Variants in FAM184A observed in about 807,000 individuals in gnomAD.
FAM184A encodes the protein family with sequence similarity 184 member A, also known as protein FAM184A.
A neutral mutation model predicts 143.8 loss-of-function variants in FAM184A; 99 were observed. The observed-to-expected ratio is 0.69, with a 90% CI of 0.58 to 0.81. The LOEUF (loss-of-function observed/expected upper bound fraction) is 0.81, where lower values mean the gene tolerates loss of function less well. Ranked by LOEUF, FAM184A falls within the 40% of genes least tolerant of loss-of-function variation. The pLI, the probability that FAM184A is intolerant of heterozygous loss-of-function variation, is 0.00. For missense variants in FAM184A, 1,217 were observed against 1,310.5 expected, an observed-to-expected ratio of 0.93 and a Z score of 1.10; for synonymous variants, 427 against 446.4, an observed-to-expected ratio of 0.96 and a Z score of 0.55.
At position 119,078,314 on chromosome 6, in the gene FAM184A, C is replaced by A; in HGVS notation, c.-15G>T. On this transcript the variant is annotated 5_prime_UTR_variant, in exon 1 of 18. Transcript: ENST00000338891. The surrounding 1 kb of genome is among the most constrained non-coding windows in gnomAD (Gnocchi z 5.5). ...GGGGTCGCCATCTTCCCAACAGACC[C>A]CAGCCGGGGCACCTGTCCCCGCGGG... is the stretch of plus-strand genomic sequence containing the variant. The A allele has an allele frequency of 7.0e-7, 1 of 1,435,434 alleles. No individual in the cohort carries two copies. The highest frequency in any genetic ancestry group is 9.1e-7 in the Non-Finnish European group (1 of 1,098,312). The allele number at this position is 1,435,434 out of a possible 1,614,324, so 88.9% of individuals were successfully genotyped here.
chr6:119,003,511 C>G lies in FAM184A; in HGVS notation c.1927G>C (p.Glu643Gln). The G allele has an allele frequency of 6.2e-7, 1 of 1,610,542 alleles. No homozygotes were observed. The highest frequency in any genetic ancestry group is 1.7e-4 in the Middle Eastern group (1 of 6,030). The change falls in exon 8 of 18, where the codon GAA becomes CAA. Residue 643 changes from glutamate (E) to glutamine (Q), a missense_variant. Coordinates refer to ENST00000338891, the MANE Select transcript of FAM184A (RefSeq NM_024581.6). ...GAATAAAAAATGTACCTAAGATTTT[C>G]AGTCCACTTAATTTCTAAGTCATGG... is the stretch of plus-strand genomic sequence containing the variant. ...MAHDLEIKWTENLRQECSKLR... is the reference protein window; with the variant it reads ...MAHDLEIKWTQNLRQECSKLR...
chr6:119,117,891 G>A (rs2114856841), intron 1 of FAM184A, among the ~76,000 whole-genome samples: 1 of 152,238 alleles, frequency 6.6e-6, no homozygotes, highest in South Asian at 2.1e-4. Context: ...CAGGGGTGGG[G>A]GTATCCCAGA....
intron 1 of FAM184A, among the ~76,000 whole-genome samples, chr6:119,119,685 T>C (rs1789160173): frequency 2.0e-5 from 3 of 152,218 alleles, no homozygotes; most frequent in East Asian, 3.9e-4. Context: ...AATAGCTATA[T>C]TGAGGCTAGG....
Position 118,974,487 on chromosome 6 carries a change from C to T in FAM184A, c.2856G>A (p.Arg952=). The T allele has an allele frequency of 6.2e-7, 1 of 1,612,660 alleles. No individual in the cohort carries two copies. The highest frequency in any genetic ancestry group is 1.1e-5 in the South Asian group (1 of 90,886). The change falls in exon 14 of 18, where the codon CGG becomes CGA. Residue 952 remains arginine (R), a synonymous_variant. Transcript: ENST00000338891. ...GCTCGTTAGTCTTATTAAAATCTGC[C>T]CGCATGATATTTTTCTCTCTGAGGT... ...ADHLREKNIM[R]ADFNKTNELL... is the part of the protein sequence containing the mutation.
chr6:119,130,979 T>A (rs947238203), intron 1 of FAM184A, among the ~76,000 whole-genome samples: 11 of 151,020 alleles, frequency 7.3e-5, no homozygotes, highest in African/African-American at 1.2e-4. Context: ...TGCCTCATCC[T>A]CCTGAAGTAG....
chr6:119,029,150 G>A (rs1381214501), intron 1 of FAM184A, among the ~76,000 whole-genome samples: 1 of 152,180 alleles, frequency 6.6e-6, no homozygotes, highest in Non-Finnish European at 1.5e-5. Context: ...AGGCTGGTCA[G>A]TCCTAGCCAC....
chr6:119,020,633 G>A (rs1785413270), intron 3 of FAM184A, among the ~76,000 whole-genome samples: 1 of 152,092 alleles, frequency 6.6e-6, no homozygotes. Flanking sequence ...TTTGTATGTA[G>A]GAAACAAAGA....
chr6:119,079,029 AT>A (rs1224966739), upstream of FAM184A: 3 of 151,810 alleles, frequency 2.0e-5, no homozygotes, highest in Non-Finnish European at 4.4e-5. Context: ...ACGGGTGTCG[AT>A]TTACAGACCC....
intron 1 of FAM184A, among the ~76,000 whole-genome samples, chr6:119,032,446 T>C (rs1372584458): frequency 6.8e-6 from 1 of 147,332 alleles, no homozygotes; most frequent in Non-Finnish European, 1.5e-5. Flanking sequence ...AAATTCTGGA[T>C]ACTGCTTCTC....
intron 1 of FAM184A, among the ~76,000 whole-genome samples, chr6:119,067,850 T>G (rs1787515903): frequency 6.6e-6 from 1 of 152,134 alleles, no homozygotes; most frequent in African/African-American, 2.4e-5. Context: ...CTTGCACCTA[T>G]AATCCCAGCT....
At chr6:119,123,639 ACT>A (rs1789284676) in intron 1 of FAM184A, among the ~76,000 whole-genome samples, 1 of 152,036 alleles carries the variant, frequency 6.6e-6, no homozygotes, top group South Asian at 2.1e-4. Context: ...AGGGCCGAGA[ACT>A]CTGTTTTCAA....
At chr6:118,999,394 T>C (rs1022863609) in intron 9 of FAM184A, among the ~76,000 whole-genome samples, 8 of 152,192 alleles carry the variant, frequency 5.3e-5, no homozygotes, top group African/African-American at 1.2e-4. Flanking sequence ...CCAAGTAATC[T>C]TTAAACTCCT....
intron 1 of FAM184A, among the ~76,000 whole-genome samples, chr6:119,147,264 C>T (rs1030178379): frequency 1.3e-5 from 2 of 150,586 alleles, no homozygotes; most frequent in African/African-American, 2.4e-5. Context: ...GAGGGTTTAG[C>T]GTGGGTGCAT....
chr6:119,116,021 C>CGA (rs140847518), intron 1 of FAM184A, among the ~76,000 whole-genome samples: 117 of 115,588 alleles, frequency 1.0e-3, no homozygotes, highest in Middle Eastern at 4.4e-3. Context: ...ACACACACAA[C>CGA]GAGAGAGAGA....
Position 118,979,482 on chromosome 6 carries a change from C to T in FAM184A, c.2338G>A (p.Glu780Lys). ...ENHLQQKHSAELQSLKDAHRE... is the reference protein window; with the variant it reads ...ENHLQQKHSAKLQSLKDAHRE... ...TGTGCATCTTTTAGTGATTGAAGCT[C>T]TGCAGAATGCTTCTGTTGTAAATGA... Residue 780 changes from glutamate to lysine, a missense_variant, in exon 11 of 18, where the codon GAG (glutamate) becomes AAG (lysine). Coordinates refer to ENST00000338891, the MANE Select transcript of FAM184A (RefSeq NM_024581.6). The T allele has an allele frequency of 1.2e-6, 2 of 1,613,082 alleles. No homozygotes were observed. The highest frequency in any genetic ancestry group is 1.7e-6 in the Non-Finnish European group (2 of 1,179,694).
intron 6 of FAM184A, chr6:119,011,092 A>G (rs1430691264): frequency 1.7e-5 from 7 of 423,760 alleles, no homozygotes; most frequent in East Asian, 1.5e-4. Flanking sequence ...GCTTCTCCCC[A>G]CAACAGCACC....
upstream of FAM184A, among the ~76,000 whole-genome samples, chr6:119,082,953 C>A (rs993753040): frequency 6.6e-6 from 1 of 152,242 alleles, no homozygotes; most frequent in Non-Finnish European, 1.5e-5. Context: ...GAGGACTCAA[C>A]CCCTGCAGCA....
In FAM184A at chr6:118,976,059, C is replaced by G; in HGVS notation, c.2456-15G>C. ...GCGCAAGGAAGCTGGAATTGCAAGGCAAAAATACATTTGGCACATTTAAAA... is the reference window on the plus strand; with the variant it reads ...GCGCAAGGAAGCTGGAATTGCAAGGGAAAAATACATTTGGCACATTTAAAA... On this transcript the variant is annotated splice_polypyrimidine_tract_variant and intron_variant, in intron 11 of 17. Coordinates refer to ENST00000338891, the MANE Select transcript of FAM184A (RefSeq NM_024581.6). 6.2e-7 allele frequency: 1 copy of G among 1,602,736 alleles called. No individual in the cohort carries two copies.
rs1783266745 is a variant in FAM184A, at chr6:118,959,972, A to C, written c.*131T>G. 1 of 605,528 alleles carries C rather than the reference A, an allele frequency of 1.7e-6. No homozygotes were observed. Among genetic ancestry groups the C allele is most frequent in the Admixed American group, 3.3e-5 (1 of 30,122 alleles). The allele number at this position is 605,528 out of a possible 1,614,324, so 37.5% of individuals were successfully genotyped here. A position where few individuals can be genotyped will look rare whatever the true frequency, so the allele number is the denominator to read the frequency against. On this transcript the variant is annotated 3_prime_UTR_variant, in exon 18 of 18. Transcript: ENST00000338891. ...ATAAATATCACAGGAAATACAGTGC[A>C]TTTTCAAGTTGGAGAGACAAATACT...
Sources: gnomAD v4.1 joint callset for allele counts (sites outside exome capture counted in the v4.1 genomes callset) on GRCh38, gnomAD v4.1.1 for gene constraint, Gnocchi (gnomAD v3.1) non-coding constraint, MANE v1.5 for transcripts, NCBI Gene and HGNC (gene_info 2026-07-23, HGNC 2026-07-21) for gene names.